SESN1: variants seen among roughly 807,000 people sequenced by gnomAD.
The protein encoded by SESN1 is sestrin 1, also known as sestrin-1.
A neutral mutation model predicts 59.3 loss-of-function variants in SESN1; 30 were observed. That is an observed-to-expected ratio of 0.51 (90% CI 0.38 to 0.69). SESN1 has a LOEUF of 0.69. Ranked by LOEUF, SESN1 falls within the 30% of genes least tolerant of loss-of-function variation. SESN1 has a pLI of 0.00. For synonymous variants in SESN1, 197 were observed against 219.9 expected (o/e 0.90, Z 0.92); for missense variants, 566 against 673.0 (o/e 0.84, Z 1.76).
At chr6:109,023,699 C>G (rs892084046) in intron 1 of SESN1, among the ~76,000 whole-genome samples, 1 of 151,918 alleles carries the variant, frequency 6.6e-6, no homozygotes, top group Non-Finnish European at 1.5e-5. Flanking sequence ...ACAGGCTTTG[C>G]ACATAGAATA....
intron 1 of SESN1, among the ~76,000 whole-genome samples, chr6:109,029,087 CCTTCT>C (rs1333172492): frequency 1.3e-5 from 2 of 152,102 alleles, no homozygotes; most frequent in African/African-American, 4.8e-5. Context: ...TACTTTTCTA[CCTTCT>C]CTTCTTAAGG....
intron 1 of SESN1, among the ~76,000 whole-genome samples, chr6:109,017,430 C>T (rs1779944855): frequency 6.6e-6 from 1 of 152,070 alleles, no homozygotes; most frequent in Non-Finnish European, 1.5e-5. Context: ...GGACTACAGG[C>T]ACCCACCACC....
intron 1 of SESN1, among the ~76,000 whole-genome samples, chr6:109,046,170 T>C (rs1780430043): frequency 6.6e-6 from 1 of 151,088 alleles, no homozygotes; most frequent in Admixed American, 6.6e-5. Context: ...ACTGCTGCCA[T>C]CTCGGCTCAC....
At chr6:109,053,388 A>T (rs1780574892) in intron 1 of SESN1, among the ~76,000 whole-genome samples, 1 of 152,218 alleles carries the variant, frequency 6.6e-6, no homozygotes, top group African/African-American at 2.4e-5. Context: ...ACTTCCCTGC[A>T]TAACTGACAA....
At chr6:109,057,728 C>A (rs1780659333) in intron 1 of SESN1, among the ~76,000 whole-genome samples, 1 of 152,170 alleles carries the variant, frequency 6.6e-6, no homozygotes, top group Non-Finnish European at 1.5e-5. Flanking sequence ...CAAGCAATTA[C>A]AATACTTTCA....
At chr6:109,020,320 T>C (rs1779990867) in intron 1 of SESN1, among the ~76,000 whole-genome samples, 1 of 152,246 alleles carries the variant, frequency 6.6e-6, no homozygotes, top group Admixed American at 6.5e-5. Flanking sequence ...AGTATTGTAG[T>C]GATTATTTGT....
chr6:108,997,417 A>G (rs972532992), intron 5 of SESN1, among the ~76,000 whole-genome samples: 1 of 152,112 alleles, frequency 6.6e-6, no homozygotes, highest in Admixed American at 6.5e-5. Context: ...GGCCTATAAC[A>G]TGAATCTAGG....
At chr6:109,058,661 C>A (rs1372314581) in intron 1 of SESN1, among the ~76,000 whole-genome samples, 1 of 152,070 alleles carries the variant, frequency 6.6e-6, no homozygotes, top group Non-Finnish European at 1.5e-5. Flanking sequence ...TAATTCAGAT[C>A]TAGTGACCTT....
chr6:108,997,501 T>G (rs12198182), intron 5 of SESN1, among the ~76,000 whole-genome samples: 14,966 of 152,234 alleles, frequency 0.098, 902 homozygotes, highest in Middle Eastern at 0.19. Flanking sequence ...TTCTTTCTTG[T>G]GCTAATTTCA....
chr6:109,075,641 C>A (rs1424068224), intron 1 of SESN1, among the ~76,000 whole-genome samples: 1 of 152,156 alleles, frequency 6.6e-6, no homozygotes, highest in Non-Finnish European at 1.5e-5. Flanking sequence ...GAAAACTCTT[C>A]CCAATTTGAG....
chr6:108,985,714 G>C lies in SESN1; in HGVS notation c.*1830C>G, dbSNP rs1429104573. On this transcript the variant is annotated 3_prime_UTR_variant, in exon 10 of 10. Transcript: ENST00000436639. ...TCTACTAGAAATTTTGTATTTTCAA[G>C]AGGAGGAACAAAGAGCAGAAATGGG... 6.6e-6 allele frequency among the ~76,000 whole-genome samples: 1 copy of C among 152,138 alleles called. No homozygotes were observed. Among genetic ancestry groups the C allele is most frequent in the Non-Finnish European group, 1.5e-5 (1 of 68,018 alleles).
At chr6:109,090,889 C>A (rs1267912689) in intron 1 of SESN1, among the ~76,000 whole-genome samples, 1 of 152,162 alleles carries the variant, frequency 6.6e-6, no homozygotes, top group Non-Finnish European at 1.5e-5. Context: ...CCTGCCTTAG[C>A]CTCCTGAATA....
In SESN1 at chr6:109,065,654, A is replaced by G. The variant is rs1339749166; in HGVS notation, c.279+28141T>C. Among the ~76,000 whole-genome samples, 3 of 152,176 alleles carry G rather than the reference A, an allele frequency of 2.0e-5. No homozygotes were observed. In the East Asian group the frequency reaches 5.8e-4, roughly 29 times the overall value. ...TAAGGACGAGGTTGCAGGCCAAAAA[A>G]TAAGATAAATGTGTGTTCAGGTGTA... On this transcript the variant is annotated intron_variant, in intron 1 of 9. Transcript: ENST00000436639.
chr6:109,024,980 C>T (rs1780068219), intron 1 of SESN1, among the ~76,000 whole-genome samples: 1 of 152,102 alleles, frequency 6.6e-6, no homozygotes, highest in Admixed American at 6.5e-5. Context: ...AACCCACCGA[C>T]AGGAGGAGTC....
intron 5 of SESN1, 134 bp downstream of exon 5, chr6:108,998,379 A>G: frequency 1.0e-6 from 1 of 965,794 alleles, no homozygotes; most frequent in Admixed American, 2.5e-5. Context: ...ACCCTACTGA[A>G]TGAATAGATA....
In SESN1 at chr6:109,053,511, G is replaced by A. The variant is rs551614942; in HGVS notation, c.279+40284C>T. ...CATGAGAAAGCCCCAAGACAGGAGA[G>A]GCTGCTATAAATTAAAGTGGGAACA... On this transcript the variant is annotated intron_variant, in intron 1 of 9. Transcript: ENST00000436639. Among the ~76,000 whole-genome samples the A allele has an allele frequency of 4.6e-5, 7 of 152,250 alleles. No homozygotes were observed. In the East Asian group the frequency reaches 1.4e-3, roughly 29 times the overall value.
At position 108,984,525 on chromosome 6, in the gene SESN1, C is replaced by T. The variant is rs967331715; in HGVS notation, c.*3019G>A. Among the ~76,000 whole-genome samples the T allele has an allele frequency of 6.6e-6, 1 of 152,112 alleles. No individual in the cohort carries two copies. The highest frequency in any genetic ancestry group is 2.4e-5 in the African/African-American group (1 of 41,416). ...TCTTGATCTTATCACCTCCCAAAGG[C>T]CTACTTTTTTAATATCACCACATTG... On this transcript the variant is annotated 3_prime_UTR_variant, in exon 10 of 10. Coordinates refer to ENST00000436639, the MANE Select transcript of SESN1 (RefSeq NM_014454.3).
In SESN1 at chr6:108,986,134, TC is replaced by T. The variant is rs1779181255; in HGVS notation, c.*1409del. Reference sequence around the variant, plus strand: ...GCTATTTCTACTTGTCTGATGAGTGTCATTTTTTGTTCTGTAGTCTCTCCCT... The same window carrying T: ...GCTATTTCTACTTGTCTGATGAGTGTATTTTTTGTTCTGTAGTCTCTCCCT... On this transcript the variant is annotated 3_prime_UTR_variant, in exon 10 of 10. Transcript: ENST00000436639. Among the ~76,000 whole-genome samples, 1 of 152,226 alleles carries T rather than the reference TC, an allele frequency of 6.6e-6. No homozygotes were observed.
chr6:109,083,015 GAAGT>G (rs1172635470), intron 1 of SESN1, among the ~76,000 whole-genome samples: 4 of 152,054 alleles, frequency 2.6e-5, no homozygotes, highest in Non-Finnish European at 2.9e-5. Flanking sequence ...CCCACTGTAT[GAAGT>G]ATTATTATTA....
Sources: allele counts gnomAD v4.1 joint callset (sites outside exome capture counted in the v4.1 genomes callset), GRCh38; gene constraint gnomAD v4.1.1; transcripts MANE v1.5; gene names NCBI Gene and HGNC (gene_info 2026-07-23, HGNC 2026-07-21).